Variants in NXPE2 observed in about 807,000 individuals in gnomAD.
NXPE2 encodes the protein neurexophilin and PC-esterase domain family member 2.
In NXPE2, 34 loss-of-function variants were observed where a neutral mutation model predicts 34.4. That is an observed-to-expected ratio of 0.99 (90% CI 0.75 to 1.31). The LOEUF (loss-of-function observed/expected upper bound fraction) is 1.31. Ranked by LOEUF, NXPE2 falls within the 40% of genes most tolerant of loss-of-function variation. The probability of loss-of-function intolerance (pLI) is 0.00; values close to 1 mark genes in which losing one functional copy is unlikely to be tolerated. For synonymous variants in NXPE2, 235 were observed against 231.3 expected, an observed-to-expected ratio of 1.02 and a Z score of -0.15; for missense variants, 649 against 672.5, an observed-to-expected ratio of 0.97 and a Z score of 0.39.
chr11:114,595,890 G>T, the NXPE2 span: 2 of 152,328 alleles, frequency 1.3e-5, no homozygotes, highest in East Asian at 3.8e-4. Context: ...TGCATAGTAG[G>T]TTATATGATT....
At chr11:114,801,747 T>TGGAGGTGCAAAATAGGGACGAGTCAG in the NXPE2 span, among the ~76,000 whole-genome samples, 1 of 152,092 alleles carries the variant, frequency 6.6e-6, no homozygotes, top group South Asian at 2.1e-4. Context: ...GATTGGATGT[T>TGGAGGTGCAAAATAGGGACGAGTCAG]GGAGGTGCAA....
At chr11:114,736,734 G>A in the NXPE2 span, among the ~76,000 whole-genome samples, 2 of 152,182 alleles carry the variant, frequency 1.3e-5, no homozygotes, top group Admixed American at 1.3e-4. Context: ...GAAGTGATAA[G>A]TGTCCATGAA....
the NXPE2 span, among the ~76,000 whole-genome samples, chr11:114,637,822 C>T: frequency 4.6e-5 from 7 of 152,000 alleles, no homozygotes; most frequent in African/African-American, 1.7e-4. Flanking sequence ...AGAGTTTCTG[C>T]CAAGAGATCT....
chr11:114,782,747 G>T, the NXPE2 span, among the ~76,000 whole-genome samples: 1 of 152,180 alleles, frequency 6.6e-6, no homozygotes, highest in Admixed American at 6.5e-5. Flanking sequence ...TCAGGACGAG[G>T]TATGGTTCTT....
chr11:114,573,747 T>C, the NXPE2 span, among the ~76,000 whole-genome samples: 3 of 151,208 alleles, frequency 2.0e-5, no homozygotes, highest in Admixed American at 6.6e-5. Context: ...AAATGAGAGA[T>C]GGCAATACAA....
the NXPE2 span, among the ~76,000 whole-genome samples, chr11:114,484,027 A>G: frequency 6.6e-6 from 1 of 152,106 alleles, no homozygotes; most frequent in Non-Finnish European, 1.5e-5. Context: ...TTTCCAGTCA[A>G]GGGAAATGAA....
the NXPE2 span, chr11:114,580,368 C>T: frequency 6.3e-7 from 1 of 1,588,788 alleles, no homozygotes; most frequent in Non-Finnish European, 8.6e-7. Context: ...ATAGGATCTT[C>T]CAAAACATCA....
chr11:114,497,110 A>AC, the NXPE2 span, among the ~76,000 whole-genome samples: 6 of 151,810 alleles, frequency 4.0e-5, no homozygotes, highest in East Asian at 1.9e-4. Flanking sequence ...ATAGGAGATG[A>AC]CCCCCCCATG....
At chr11:114,710,209 C>A (rs1407316941), downstream of NXPE2, among the ~76,000 whole-genome samples, 1 of 151,908 alleles carries the variant, frequency 6.6e-6, no homozygotes, top group Non-Finnish European at 1.5e-5. Flanking sequence ...GAAGAACAAA[C>A]CAAGTCCAAA....
the NXPE2 span, chr11:114,554,237 C>T: frequency 5.1e-6 from 5 of 977,072 alleles, no homozygotes; most frequent in Non-Finnish European, 6.1e-6. Context: ...CACAACCTTT[C>T]CTGGCCTCTA....
At chr11:114,553,624 C>T in the NXPE2 span, 2 of 725,642 alleles carry the variant, frequency 2.8e-6, no homozygotes, top group Non-Finnish European at 3.4e-6. Flanking sequence ...TAAGTAACTG[C>T]AAATCAGACT....
At chr11:114,696,572 C>T (rs796595016) in intron 2 of NXPE2, among the ~76,000 whole-genome samples, 5 of 152,184 alleles carry the variant, frequency 3.3e-5, no homozygotes, top group African/African-American at 1.2e-4. Flanking sequence ...GTAAAAGTGA[C>T]AGTTCATCCA....
At chr11:114,493,003 A>T in the NXPE2 span, among the ~76,000 whole-genome samples, 1 of 152,194 alleles carries the variant, frequency 6.6e-6, no homozygotes, top group Non-Finnish European at 1.5e-5. Context: ...GTACATATAT[A>T]TTCACAATTG....
the NXPE2 span, among the ~76,000 whole-genome samples, chr11:114,805,781 A>G: frequency 4.9e-4 from 74 of 152,332 alleles, 2 homozygotes; most frequent in Non-Finnish European, 1.2e-4. Context: ...GGGCACAGAC[A>G]AACAAAAAGA....
chr11:114,667,955 C>T, the NXPE2 span, among the ~76,000 whole-genome samples: 3 of 151,748 alleles, frequency 2.0e-5, no homozygotes, highest in Non-Finnish European at 4.4e-5. Flanking sequence ...AACTAATACA[C>T]AGAGGATACA....
chr11:114,656,659 C>T, the NXPE2 span, among the ~76,000 whole-genome samples: 3 of 151,410 alleles, frequency 2.0e-5, no homozygotes, highest in Non-Finnish European at 4.4e-5. Flanking sequence ...AATCAATGGG[C>T]AAAAATCACA....
chr11:114,498,448 G>C, the NXPE2 span, among the ~76,000 whole-genome samples: 1 of 151,952 alleles, frequency 6.6e-6, no homozygotes, highest in African/African-American at 2.4e-5. Context: ...TTATGTATCT[G>C]TAATAATTAA....
chr11:114,756,327 C>T, the NXPE2 span, among the ~76,000 whole-genome samples: 2 of 151,988 alleles, frequency 1.3e-5, no homozygotes, highest in East Asian at 3.9e-4. Context: ...GATACATGTT[C>T]CCTGAAAAAT....
At chr11:114,734,270 C>A in the NXPE2 span, among the ~76,000 whole-genome samples, 150 of 152,154 alleles carry the variant, frequency 9.9e-4, no homozygotes, top group Admixed American at 8.2e-3. Flanking sequence ...TATTTAGATA[C>A]TTTAATCTGA....
Sources: allele counts gnomAD v4.1 joint callset (sites outside exome capture counted in the v4.1 genomes callset), GRCh38; gene constraint gnomAD v4.1.1; transcripts MANE v1.5; gene names NCBI Gene and HGNC (gene_info 2026-07-23, HGNC 2026-07-21).